Variants in APBA1 observed in about 807,000 individuals in gnomAD.
The protein encoded by APBA1 is amyloid beta precursor protein binding family A member 1, also known as amyloid-beta A4 precursor protein-binding family A member 1.
A neutral mutation model predicts 86.6 loss-of-function variants in APBA1; 55 were observed. The ratio of observed to expected loss-of-function variants is 0.64; its 90% confidence interval spans 0.51 to 0.80. The LOEUF (loss-of-function observed/expected upper bound fraction) is 0.80, where lower values mean the gene tolerates loss of function less well. Ranked by LOEUF, APBA1 falls within the 30% of genes least tolerant of loss-of-function variation. The pLI, the probability that APBA1 is intolerant of heterozygous loss-of-function variation, is 0.00. For synonymous variants in APBA1, 511 were observed against 493.9 expected, an observed-to-expected ratio of 1.03 and a Z score of -0.46; for missense variants, 1,090 against 1,183.0, an observed-to-expected ratio of 0.92 and a Z score of 1.15.
intron 1 of APBA1, among the ~76,000 whole-genome samples, chr9:69,588,699 C>T (rs1049663678): frequency 3.3e-5 from 5 of 152,132 alleles, no homozygotes; most frequent in Middle Eastern, 3.2e-3. Context: ...ATGATGATCA[C>T]GATTATGGCA....
intron 1 of APBA1, among the ~76,000 whole-genome samples, chr9:69,530,992 T>G (rs994073985): frequency 6.6e-6 from 1 of 152,194 alleles, no homozygotes; most frequent in Admixed American, 6.5e-5. Flanking sequence ...TTTTCTAGTA[T>G]GCACATTAAA....
chr9:69,538,541 C>T (rs1836549833), intron 1 of APBA1, among the ~76,000 whole-genome samples: 1 of 152,128 alleles, frequency 6.6e-6, no homozygotes, highest in Admixed American at 6.5e-5. Context: ...AGGAGCCATC[C>T]CCAACTTCCT....
chr9:69,516,868 C>G lies in APBA1; in HGVS notation c.343G>C (p.Glu115Gln), dbSNP rs761237412. 2.5e-6 allele frequency: 4 copies of G among 1,597,224 alleles called. No homozygotes were observed. The highest frequency in any genetic ancestry group is 3.4e-6 in the Non-Finnish European group (4 of 1,177,038). The stretch of plus-strand genomic sequence containing the variant: ...CGGTACTGCACAGCATAGGCGCTCT[C>G]GTCCTCGGGGTCCTGCGCGCGCTCC... ...DAERAQDPEDESAYAVQYRPE... is the reference protein window; with the variant it reads ...DAERAQDPEDQSAYAVQYRPE... Residue 115 changes from glutamate to glutamine, a missense_variant, in exon 2 of 13, where the codon GAG (glutamate) becomes CAG (glutamine). By Grantham distance (29) the Glu-to-Gln change is conservative (BLOSUM62 2). This residue lies in a region of APBA1 where 678 missense variants were observed against 647.1 expected (regional missense o/e 1.05). Transcript: ENST00000265381. The surrounding 1 kb of genome is among the most constrained non-coding windows in gnomAD (Gnocchi z 7.3).
chr9:69,457,273 C>T, intron 6 of APBA1, 134 bp from the exon 7 acceptor site: 1 of 648,844 alleles, frequency 1.5e-6, no homozygotes, highest in South Asian at 1.9e-5. Flanking sequence ...TAGGGTTAAA[C>T]TGCCAAAGCT....
rs1249114564 is a variant in APBA1, at chr9:69,522,650, A to G, written c.-69-5371T>C. On this transcript the variant is annotated intron_variant, in intron 1 of 12. Transcript: ENST00000265381. ...AAAATAGAAATATACTCAAGATACAAAAGCAGCCCAGAGTTAAAACAATGA... is the reference window on the plus strand; with the variant it reads ...AAAATAGAAATATACTCAAGATACAGAAGCAGCCCAGAGTTAAAACAATGA... 2.6e-5 allele frequency among the ~76,000 whole-genome samples: 4 copies of G among 152,346 alleles called. No individual in the cohort carries two copies. In the East Asian group the frequency reaches 7.7e-4, roughly 29 times the overall value.
chr9:69,574,586 A>T (rs1263308106), intron 1 of APBA1, among the ~76,000 whole-genome samples: 2 of 152,206 alleles, frequency 1.3e-5, no homozygotes, highest in African/African-American at 4.8e-5. Flanking sequence ...AAATGTTTAA[A>T]CAGCATAAGG....
intron 1 of APBA1, among the ~76,000 whole-genome samples, chr9:69,581,671 A>G (rs1821915330): frequency 6.6e-6 from 1 of 152,208 alleles, no homozygotes; most frequent in African/African-American, 2.4e-5. Flanking sequence ...TTCCCCACTG[A>G]CAATGCCCTA....
At chr9:69,663,497 C>G (rs986425924) in intron 1 of APBA1, among the ~76,000 whole-genome samples, 1 of 152,172 alleles carries the variant, frequency 6.6e-6, no homozygotes, top group African/African-American at 2.4e-5. Context: ...TTAAAATATG[C>G]TACAATTTAC....
chr9:69,636,922 G>GGAAGGAAAGAAGGAAGGAAAGAAAGAAA (rs1331913719), intron 1 of APBA1, among the ~76,000 whole-genome samples: 6 of 63,968 alleles, frequency 9.4e-5, no homozygotes, highest in African/African-American at 4.0e-4. Flanking sequence ...AAGGAAGGAA[G>GGAAGGAAAGAAGGAAGGAAAGAAAGAAA]GAAAGAAAGA....
At chr9:69,669,134 C>T (rs897075051) in intron 1 of APBA1, among the ~76,000 whole-genome samples, 7 of 152,180 alleles carry the variant, frequency 4.6e-5, no homozygotes, top group South Asian at 2.1e-4. Context: ...ATCTGAGATG[C>T]GGGAGGCAAT....
chr9:69,636,792 C>A (rs1823168222), intron 1 of APBA1, among the ~76,000 whole-genome samples: 1 of 94,184 alleles, frequency 1.1e-5, no homozygotes, highest in African/African-American at 3.9e-5. Flanking sequence ...GAGAGCCTGT[C>A]TCAAAAAAAG....
At chr9:69,434,429 A>AGTC (rs1243797604) in intron 11 of APBA1, among the ~76,000 whole-genome samples, 2 of 152,106 alleles carry the variant, frequency 1.3e-5, no homozygotes, top group African/African-American at 4.8e-5. Context: ...AAAAAAAAAA[A>AGTC]AGTCAAAGGC....
rs975913318 is a variant in APBA1 at position 69,515,698 on chromosome 9, G to T, written c.1200+313C>A. ...CTTTCTGAATCAGAAACTGGGGGGG[G>T]GGGGGGCGGGGGGTGGAGGGCGATG... On this transcript the variant is annotated intron_variant, in intron 2 of 12. Transcript: ENST00000265381. 9.1e-5 allele frequency among the ~76,000 whole-genome samples: 11 copies of T among 121,368 alleles called. 1 individual carries two copies. The Admixed American group carries it at 1.0e-3, about 11-fold the overall frequency. 79.6% of individuals were successfully genotyped at this position (121,368 alleles called of 152,430 possible).
intron 1 of APBA1, among the ~76,000 whole-genome samples, chr9:69,661,976 C>T (rs771654870): frequency 5.3e-5 from 8 of 151,842 alleles, no homozygotes; most frequent in Non-Finnish European, 1.2e-4. Context: ...TACCCAGCCT[C>T]AGGTACTCTG....
chr9:69,538,861 C>A (rs773369930), intron 1 of APBA1, among the ~76,000 whole-genome samples: 2 of 152,218 alleles, frequency 1.3e-5, no homozygotes, highest in Non-Finnish European at 2.9e-5. Context: ...AAGCCCATTC[C>A]AATCGGGCTC....
At chr9:69,556,243 A>C (rs567201076) in intron 1 of APBA1, among the ~76,000 whole-genome samples, 1 of 152,160 alleles carries the variant, frequency 6.6e-6, no homozygotes, top group Non-Finnish European at 1.5e-5. Flanking sequence ...AAAATATCGA[A>C]TCAGTTCAAA....
intron 1 of APBA1, among the ~76,000 whole-genome samples, chr9:69,595,999 C>G (rs1366384131): frequency 6.6e-6 from 1 of 152,118 alleles, no homozygotes; most frequent in Non-Finnish European, 1.5e-5. Flanking sequence ...CCCCCCACCC[C>G]TTTTGGGAGA....
intron 10 of APBA1, among the ~76,000 whole-genome samples, chr9:69,443,511 C>T (rs1834858785): frequency 6.6e-6 from 1 of 152,186 alleles, no homozygotes; most frequent in African/African-American, 2.4e-5. Flanking sequence ...CAGCCATCTG[C>T]ATGTCTATGT....
rs548440935 is a variant in APBA1, at chr9:69,467,564, C to G, written c.1482+259G>C. 2.0e-5 allele frequency among the ~76,000 whole-genome samples: 3 copies of G among 152,326 alleles called. No individual in the cohort carries two copies. In the South Asian group the frequency reaches 6.2e-4, roughly 32 times the overall value. Reference sequence around the variant, plus strand: ...ATCCTTCCTCATTACACCAACTTTTCAAAGGTTGTGATCATGAGCACTTCT... The same window carrying G: ...ATCCTTCCTCATTACACCAACTTTTGAAAGGTTGTGATCATGAGCACTTCT... On this transcript the variant is annotated intron_variant, in intron 5 of 12. Coordinates refer to ENST00000265381, the MANE Select transcript of APBA1 (RefSeq NM_001163.4).
Sources: gnomAD v4.1 joint callset for allele counts (sites outside exome capture counted in the v4.1 genomes callset) on GRCh38, gnomAD v4.1.1 for gene constraint, gnomAD v4.1.1 regional missense constraint, Gnocchi (gnomAD v3.1) non-coding constraint, MANE v1.5 for transcripts, NCBI Gene and HGNC (gene_info 2026-07-23, HGNC 2026-07-21) for gene names.